RGS6: variants seen among roughly 807,000 people sequenced by gnomAD.
RGS6 encodes the protein regulator of G-protein signaling 6.
Under a neutral mutation model 78.5 loss-of-function variants are expected in RGS6, and 30 were observed. The observed-to-expected ratio is 0.38, with a 90% CI of 0.29 to 0.52. RGS6 has a LOEUF of 0.52. Ranked by LOEUF, RGS6 falls within the 20% of genes least tolerant of loss-of-function variation. The pLI is 0.85. For missense variants in RGS6, 495 were observed against 609.7 expected, an observed-to-expected ratio of 0.81 and a Z score of 1.98; for synonymous variants, 206 against 206.0, an observed-to-expected ratio of 1.00 and a Z score of 0.00.
chr14:72,454,464 G>A, intron 3 of RGS6, 64 bp from the exon 4 acceptor site: 3 of 1,498,748 alleles, frequency 2.0e-6, no homozygotes, highest in Non-Finnish European at 2.8e-6. Flanking sequence ...AGGTAAACAT[G>A]TTTCTTCTGC....
At chr14:71,900,729 T>C in the RGS6 span, among the ~76,000 whole-genome samples, 5 of 152,288 alleles carry the variant, frequency 3.3e-5, no homozygotes, top group South Asian at 2.1e-4. Flanking sequence ...TGTTTTTTTA[T>C]TGCTATAAAG....
At chr14:72,170,636 C>T (rs1438319002) in intron 2 of RGS6, among the ~76,000 whole-genome samples, 1 of 152,180 alleles carries the variant, frequency 6.6e-6, no homozygotes, top group Non-Finnish European at 1.5e-5. Context: ...ATTTCTGTAG[C>T]TTATTTAGAT....
At chr14:71,960,462 A>C (rs1337152268) in intron 1 of RGS6, among the ~76,000 whole-genome samples, 1 of 152,200 alleles carries the variant, frequency 6.6e-6, no homozygotes, top group Admixed American at 6.5e-5. Context: ...AGGACACTGC[A>C]TCCTGGTGGA....
chr14:72,207,687 T>C (rs751561835), intron 2 of RGS6, among the ~76,000 whole-genome samples: 4 of 152,234 alleles, frequency 2.6e-5, no homozygotes, highest in Non-Finnish European at 5.9e-5. Flanking sequence ...TCAGCTCCAA[T>C]GACTCCATTT....
chr14:71,968,220 G>T (rs2093629404), intron 2 of RGS6, among the ~76,000 whole-genome samples: 1 of 151,892 alleles, frequency 6.6e-6, no homozygotes, highest in African/African-American at 2.4e-5. Context: ...CATCATTTAG[G>T]GTGCTTTATA....
chr14:71,907,535 G>C, the RGS6 span, among the ~76,000 whole-genome samples: 4 of 152,170 alleles, frequency 2.6e-5, no homozygotes, highest in Non-Finnish European at 5.9e-5. Context: ...TCGGGCACAG[G>C]TCAGGGAGGT....
the RGS6 span, among the ~76,000 whole-genome samples, chr14:72,572,246 A>G: frequency 1.9e-3 from 290 of 152,322 alleles, 2 homozygotes; most frequent in African/African-American, 6.1e-3. Flanking sequence ...ATTTCCTCAA[A>G]AGCTTAAAAA....
chr14:72,192,620 C>T (rs2097341241), intron 2 of RGS6, among the ~76,000 whole-genome samples: 1 of 152,212 alleles, frequency 6.6e-6, no homozygotes, highest in Non-Finnish European at 1.5e-5. Context: ...CCTCCTGCTC[C>T]TCCCTTAAGA....
intron 2 of RGS6, among the ~76,000 whole-genome samples, chr14:72,106,927 GTTTTTTTCTTTTC>G (rs1176185455): frequency 6.6e-6 from 1 of 151,858 alleles, no homozygotes; most frequent in Non-Finnish European, 1.5e-5. Context: ...TGCGTTTTTT[GTTTTTTTCTTTTC>G]TTTTTTTCAT....
At chr14:72,438,994 G>A (rs567201470) in intron 3 of RGS6, among the ~76,000 whole-genome samples, 8 of 152,270 alleles carry the variant, frequency 5.3e-5, no homozygotes, top group African/African-American at 1.9e-4. Flanking sequence ...CTGTTCCTCT[G>A]ATGGGGAGGC....
At chr14:72,066,827 A>C (rs1448539252) in intron 2 of RGS6, among the ~76,000 whole-genome samples, 1 of 110,090 alleles carries the variant, frequency 9.1e-6, no homozygotes, top group Non-Finnish European at 1.9e-5. Context: ...TTTTTTTTGT[A>C]AAGATCACAA....
chr14:72,206,547 G>T (rs556417403), intron 2 of RGS6, among the ~76,000 whole-genome samples: 2 of 152,232 alleles, frequency 1.3e-5, no homozygotes, highest in South Asian at 2.1e-4. Flanking sequence ...AAAGAAAGAG[G>T]TTTAATTGAA....
chr14:72,173,631 T>C lies in RGS6; in HGVS notation c.85-178464T>C, dbSNP rs546320733. Among the ~76,000 whole-genome samples the C allele has an allele frequency of 2.4e-4, 37 of 152,246 alleles. 1 individual carries two copies. Among genetic ancestry groups the C allele is most frequent in the Middle Eastern group, 3.4e-3 (1 of 294 alleles). ...CTCTCCAATAACCTCGACTCTTGAA[T>C]GGGTGAGGGACATTTCCTCAAGAGC... On this transcript the variant is annotated intron_variant, in intron 2 of 17. Transcript: ENST00000553525.
At chr14:71,967,414 C>G (rs1456276555) in intron 2 of RGS6, among the ~76,000 whole-genome samples, 4 of 152,140 alleles carry the variant, frequency 2.6e-5, no homozygotes, top group Non-Finnish European at 4.4e-5. Context: ...CTGTAGGCTG[C>G]CTTTTGGCTA....
chr14:72,330,849 A>G (rs749319735), intron 2 of RGS6, among the ~76,000 whole-genome samples: 4 of 151,576 alleles, frequency 2.6e-5, no homozygotes, highest in Non-Finnish European at 4.4e-5. Context: ...TTTTTCTGAG[A>G]CATTTTAAGT....
chr14:72,235,389 G>A (rs1405871582), intron 2 of RGS6, among the ~76,000 whole-genome samples: 1 of 152,224 alleles, frequency 6.6e-6, no homozygotes, highest in African/African-American at 2.4e-5. Context: ...GTGGGGACTG[G>A]AGCTGGTGAC....
the RGS6 span, among the ~76,000 whole-genome samples, chr14:71,882,173 C>T: frequency 6.6e-6 from 1 of 152,214 alleles, no homozygotes; most frequent in Non-Finnish European, 1.5e-5. Flanking sequence ...TTCTAGCTAA[C>T]TTATATGTGT....
At chr14:72,332,312 G>A (rs75467528) in intron 2 of RGS6, among the ~76,000 whole-genome samples, 2,270 of 152,316 alleles carry the variant, frequency 0.015, 62 homozygotes, top group African/African-American at 0.051. Flanking sequence ...CAGGCCAGGC[G>A]GTAGGTTTGC....
At chr14:72,531,631 A>G (rs1007570282) in intron 15 of RGS6, among the ~76,000 whole-genome samples, 3 of 151,992 alleles carry the variant, frequency 2.0e-5, no homozygotes, top group South Asian at 4.2e-4. Flanking sequence ...TGACCAAGAC[A>G]TTTTCTGCTT....
Sources: allele counts gnomAD v4.1 joint callset (sites outside exome capture counted in the v4.1 genomes callset), GRCh38; gene constraint gnomAD v4.1.1; transcripts MANE v1.5; gene names NCBI Gene and HGNC (gene_info 2026-07-23, HGNC 2026-07-21).